Variants in FHIP1A observed in about 807,000 individuals in gnomAD.
FHIP1A encodes the protein FHF complex subunit HOOK-interacting protein 1A.
In FHIP1A, 61 loss-of-function variants were observed where a neutral mutation model predicts 88.6. That is an observed-to-expected ratio of 0.69 (90% CI 0.56 to 0.85). The LOEUF is 0.85. Among genes scored for constraint, FHIP1A ranks in the 40% least tolerant of loss-of-function variants. The pLI is 0.00. For synonymous variants in FHIP1A, 478 were observed against 496.0 expected (o/e 0.96, Z 0.48); for missense variants, 1,154 against 1,273.5 (o/e 0.91, Z 1.43).
intron 11 of FHIP1A, among the ~76,000 whole-genome samples, chr4:151,655,186 T>C (rs1187899875): frequency 6.6e-6 from 1 of 152,268 alleles, no homozygotes; most frequent in Non-Finnish European, 1.5e-5. Context: ...TGTGCTTTCG[T>C]TGTAAACATG....
chr4:151,618,930 G>C (rs1456573317), intron 7 of FHIP1A, among the ~76,000 whole-genome samples: 1 of 152,204 alleles, frequency 6.6e-6, no homozygotes, highest in Non-Finnish European at 1.5e-5. Context: ...GTGATTCCCT[G>C]ATCAGCAAAG....
intron 1 of FHIP1A, among the ~76,000 whole-genome samples, chr4:151,448,708 G>A (rs1285661069): frequency 6.6e-6 from 1 of 152,154 alleles, no homozygotes. Flanking sequence ...ATCTATCGAT[G>A]GGCACTTGGG....
intron 4 of FHIP1A, among the ~76,000 whole-genome samples, chr4:151,575,179 C>G (rs1733740115): frequency 6.6e-6 from 1 of 152,100 alleles, no homozygotes; most frequent in Non-Finnish European, 1.5e-5. Context: ...ACCCTGAGGC[C>G]TAGCTGTAAA....
chr4:151,414,304 C>T (rs1290011718), intron 1 of FHIP1A, among the ~76,000 whole-genome samples: 2 of 152,140 alleles, frequency 1.3e-5, no homozygotes, highest in East Asian at 1.9e-4. Flanking sequence ...CTGCCCGCCT[C>T]GGCCTCCCAA....
At chr4:151,608,010 TTTTTTCTTTTC>T (rs1238005995) in intron 7 of FHIP1A, among the ~76,000 whole-genome samples, 1 of 150,512 alleles carries the variant, frequency 6.6e-6, no homozygotes, top group African/African-American at 2.4e-5. Context: ...TTTCTTTTTC[TTTTTTCTTTTC>T]TTTTTCTTTC....
chr4:151,438,605 CT>C (rs200467402), intron 1 of FHIP1A, among the ~76,000 whole-genome samples: 4,716 of 132,406 alleles, frequency 0.036, 252 homozygotes, highest in East Asian at 0.29. Context: ...CGGTTTTTGC[CT>C]TTTTTTTTTT....
chr4:151,411,174 A>G (rs985098265), intron 1 of FHIP1A, among the ~76,000 whole-genome samples: 1 of 152,106 alleles, frequency 6.6e-6, no homozygotes, highest in Admixed American at 6.5e-5. Context: ...ACAGTTCTGT[A>G]CTCTGCCTCC....
intron 3 of FHIP1A, among the ~76,000 whole-genome samples, chr4:151,520,086 ATAAAG>A (rs1231896171): frequency 2.0e-5 from 3 of 152,122 alleles, no homozygotes; most frequent in Admixed American, 6.5e-5. Flanking sequence ...TTTAATTTTG[ATAAAG>A]TAATCTTTAC....
At chr4:151,492,591 CAA>C (rs59887435) in intron 3 of FHIP1A, among the ~76,000 whole-genome samples, 33 of 94,172 alleles carry the variant, frequency 3.5e-4, no homozygotes, top group Admixed American at 5.1e-4. Context: ...GGCTGTGTCT[CAA>C]AAAAAAAAAA....
At chr4:151,649,310 C>T (rs1736910053) in intron 10 of FHIP1A, 149 bp from the exon 11 acceptor site, 1 of 560,492 alleles carries the variant, frequency 1.8e-6, no homozygotes. Context: ...TACAATCTAA[C>T]CATATTATTC....
chr4:151,628,608 A>G (rs1023842209), intron 7 of FHIP1A, among the ~76,000 whole-genome samples: 1 of 152,250 alleles, frequency 6.6e-6, no homozygotes, highest in African/African-American at 2.4e-5. Context: ...AAGATTTTAA[A>G]AAATGGAAAA....
At chr4:151,628,558 T>C (rs894639907) in intron 7 of FHIP1A, among the ~76,000 whole-genome samples, 1 of 152,150 alleles carries the variant, frequency 6.6e-6, no homozygotes, top group South Asian at 2.1e-4. Context: ...AACCGTAAGA[T>C]AATGTGACAA....
At chr4:151,466,234 G>T (rs1330974757) in intron 2 of FHIP1A, among the ~76,000 whole-genome samples, 1 of 152,136 alleles carries the variant, frequency 6.6e-6, no homozygotes, top group Non-Finnish European at 1.5e-5. Flanking sequence ...ATTCACAATT[G>T]CTACAAAGAG....
chr4:151,461,482 A>G (rs2709818), intron 2 of FHIP1A, among the ~76,000 whole-genome samples: 78,977 of 151,920 alleles, frequency 0.52, 20,833 homozygotes, highest in African/African-American at 0.55. Flanking sequence ...CTAGAAGGTA[A>G]ATATTGAATG....
chr4:151,553,074 A>G (rs1732808384), intron 3 of FHIP1A, among the ~76,000 whole-genome samples: 1 of 152,198 alleles, frequency 6.6e-6, no homozygotes, highest in African/African-American at 2.4e-5. Context: ...GCTTTGTATT[A>G]TAATTATTTG....
chr4:151,458,916 C>T (rs1343994488), intron 2 of FHIP1A, among the ~76,000 whole-genome samples: 1 of 151,676 alleles, frequency 6.6e-6, no homozygotes, highest in Non-Finnish European at 1.5e-5. Context: ...AGAAAGTATC[C>T]TCACAAACTC....
intron 1 of FHIP1A, among the ~76,000 whole-genome samples, chr4:151,423,975 A>G (rs1275364114): frequency 2.0e-5 from 3 of 152,214 alleles, no homozygotes; most frequent in African/African-American, 7.2e-5. Context: ...AGGGGGATTT[A>G]TTGGCTTACA....
At chr4:151,461,362 G>C (rs995515281) in intron 2 of FHIP1A, among the ~76,000 whole-genome samples, 2 of 152,188 alleles carry the variant, frequency 1.3e-5, no homozygotes, top group Admixed American at 6.5e-5. Context: ...TTATTTTGTT[G>C]ATGCTGCCTA....
At position 151,524,640 on chromosome 4, in the gene FHIP1A, G is replaced by T. The variant is rs548151475; in HGVS notation, c.-122-41498G>T. Among the ~76,000 whole-genome samples the T allele has an allele frequency of 5.9e-5, 9 of 152,268 alleles. No homozygotes were observed. In the South Asian group the frequency reaches 1.7e-3, roughly 28 times the overall value. ...TGCTAGGACTGAACTAGGCATAATG[G>T]GTAACAACAGTGGTTAGATAATGCA... On this transcript the variant is annotated intron_variant, in intron 3 of 13. Transcript: ENST00000435205.
Sources: allele counts gnomAD v4.1 joint callset (sites outside exome capture counted in the v4.1 genomes callset), GRCh38; gene constraint gnomAD v4.1.1; transcripts MANE v1.5; gene names NCBI Gene and HGNC (gene_info 2026-07-23, HGNC 2026-07-21).